COL8A1: variants seen among roughly 807,000 people sequenced by gnomAD.
COL8A1 encodes collagen type VIII alpha 1 chain.
COL8A1 carries 21 observed loss-of-function variants against 42.7 expected under a neutral mutation model. That is an observed-to-expected ratio of 0.49 (90% CI 0.35 to 0.71). The LOEUF (loss-of-function observed/expected upper bound fraction) is 0.71, where lower values mean the gene tolerates loss of function less well. Among genes scored for constraint, COL8A1 ranks in the 30% least tolerant of loss-of-function variants. COL8A1 has a pLI of 0.01. For synonymous variants in COL8A1, 367 were observed against 369.1 expected (o/e 0.99, Z 0.06); for missense variants, 788 against 962.4 (o/e 0.82, Z 2.40).
chr3:99,797,069 C>T lies in COL8A1; in HGVS notation c.*933C>T, dbSNP rs946398644. 1 of 152,114 alleles carries T rather than the reference C, an allele frequency of 6.6e-6. No individual in the cohort carries two copies. Among genetic ancestry groups the T allele is most frequent in the African/African-American group, 2.4e-5 (1 of 41,422 alleles). 9.4% of individuals were successfully genotyped at this position (152,114 alleles called of 1,614,324 possible). On this transcript the variant is annotated 3_prime_UTR_variant, in exon 4 of 4. Transcript: ENST00000652472. ...AAAAATTCTTCCTCTAATAACTTTC[C>T]AAATTTGTGGAATATTTATTTGTAA...
intron 1 of COL8A1, among the ~76,000 whole-genome samples, chr3:99,643,779 C>T (rs1937577492): frequency 6.6e-6 from 1 of 152,154 alleles, no homozygotes; most frequent in African/African-American, 2.4e-5. Flanking sequence ...GGCTTAAGAT[C>T]TAGTTCCAAT....
At chr3:99,741,732 G>A (rs1439631059) in intron 1 of COL8A1, among the ~76,000 whole-genome samples, 3 of 152,050 alleles carry the variant, frequency 2.0e-5, no homozygotes, top group Admixed American at 6.6e-5. Context: ...GAGACTCAGG[G>A]CTCCAAAAAA....
intron 1 of COL8A1, among the ~76,000 whole-genome samples, chr3:99,732,808 G>T (rs1263970134): frequency 6.6e-6 from 1 of 152,114 alleles, no homozygotes; most frequent in Non-Finnish European, 1.5e-5. Flanking sequence ...TCTAAGACAA[G>T]GCAAGTCCCT....
At chr3:99,677,696 T>C (rs749610791) in intron 1 of COL8A1, 3 of 152,222 alleles carry the variant, frequency 2.0e-5, no homozygotes, top group Non-Finnish European at 4.4e-5. Context: ...TGTGAATTTA[T>C]GATGAATTTG....
chr3:99,728,999 T>A (rs1196212999), intron 1 of COL8A1, among the ~76,000 whole-genome samples: 2 of 152,048 alleles, frequency 1.3e-5, no homozygotes, highest in Non-Finnish European at 2.9e-5. Flanking sequence ...TATGTTTTCC[T>A]GACTGAAGGT....
At chr3:99,659,145 C>T (rs1938121506) in intron 1 of COL8A1, among the ~76,000 whole-genome samples, 1 of 152,148 alleles carries the variant, frequency 6.6e-6, no homozygotes, top group Non-Finnish European at 1.5e-5. Context: ...CCTGTGAGCC[C>T]CCAGTTGCTT....
chr3:99,748,738 G>A (rs901011167), intron 2 of COL8A1, among the ~76,000 whole-genome samples: 2 of 152,134 alleles, frequency 1.3e-5, no homozygotes, highest in South Asian at 4.1e-4. Context: ...TAGAGGGCAA[G>A]GTAGATTAGC....
intron 1 of COL8A1, among the ~76,000 whole-genome samples, chr3:99,719,400 G>T (rs571702273): frequency 6.6e-6 from 1 of 152,030 alleles, no homozygotes; most frequent in Non-Finnish European, 1.5e-5. Context: ...GAATGAATAA[G>T]AAATTTCATT....
At chr3:99,756,423 T>A (rs548503115) in intron 2 of COL8A1, among the ~76,000 whole-genome samples, 1 of 152,268 alleles carries the variant, frequency 6.6e-6, no homozygotes, top group South Asian at 2.1e-4. Flanking sequence ...ATGTAATATT[T>A]CTAAGTGTTC....
chr3:99,758,216 C>A (rs1055450024), intron 2 of COL8A1, among the ~76,000 whole-genome samples: 1 of 152,114 alleles, frequency 6.6e-6, no homozygotes, highest in Non-Finnish European at 1.5e-5. Flanking sequence ...GATTCAAGAA[C>A]TTTTGGCAAA....
intron 2 of COL8A1, among the ~76,000 whole-genome samples, chr3:99,771,971 C>G (rs1406797321): frequency 4.6e-5 from 7 of 152,126 alleles, no homozygotes; most frequent in Admixed American, 4.6e-4. Context: ...CCAATGATAC[C>G]ATTGTCAGTC....
intron 2 of COL8A1, among the ~76,000 whole-genome samples, chr3:99,783,963 T>C (rs1044081247): frequency 3.3e-5 from 5 of 152,238 alleles, no homozygotes; most frequent in Non-Finnish European, 5.9e-5. Context: ...ACCTTGCCAG[T>C]GGCTTTGTGA....
In COL8A1 at chr3:99,665,370, T is replaced by C. The variant is rs551191577; in HGVS notation, c.-129+26706T>C. Among the ~76,000 whole-genome samples, 4 of 152,352 alleles carry C rather than the reference T, an allele frequency of 2.6e-5. No individual in the cohort carries two copies. In the South Asian group the frequency reaches 8.3e-4, roughly 32 times the overall value. On this transcript the variant is annotated intron_variant, in intron 1 of 3. Coordinates refer to ENST00000652472, the MANE Select transcript of COL8A1 (RefSeq NM_020351.4). ...CCCCATCTTTATGTCCTTTCTCAGA[T>C]AACATGGAGGAGAGGGAAAGTGTTA...
chr3:99,645,037 T>C (rs1350272998), intron 1 of COL8A1, among the ~76,000 whole-genome samples: 1 of 152,162 alleles, frequency 6.6e-6, no homozygotes, highest in African/African-American at 2.4e-5. Context: ...GGATTTCAAA[T>C]ATTAACAGCT....
At chr3:99,660,293 T>A (rs1019754444) in intron 1 of COL8A1, among the ~76,000 whole-genome samples, 40 of 151,960 alleles carry the variant, frequency 2.6e-4, no homozygotes, top group African/African-American at 8.2e-4. Flanking sequence ...GGGGAAAGCA[T>A]GCCTTTTTCT....
intron 2 of COL8A1, among the ~76,000 whole-genome samples, chr3:99,775,869 G>A (rs2107442726): frequency 6.6e-6 from 1 of 152,280 alleles, no homozygotes; most frequent in East Asian, 1.9e-4. Context: ...TGGCTTTTCT[G>A]CTGCAAGATA....
intron 2 of COL8A1, among the ~76,000 whole-genome samples, chr3:99,748,641 G>C (rs2107410582): frequency 6.6e-6 from 1 of 152,276 alleles, no homozygotes; most frequent in South Asian, 2.1e-4. Context: ...CCACTGTTCA[G>C]AGCCCACATA....
chr3:99,726,733 G>A (rs12489772), intron 1 of COL8A1, among the ~76,000 whole-genome samples: 31,763 of 150,208 alleles, frequency 0.21, 3,661 homozygotes, highest in African/African-American at 0.33. Context: ...GATATGCGGC[G>A]TTATTTCTGA....
chr3:99,790,652 C>G, intron 2 of COL8A1, 28 bp from the exon 3 acceptor site: 1 of 1,597,680 alleles, frequency 6.3e-7, no homozygotes, highest in East Asian at 2.2e-5. Context: ...AGAGTTTCAC[C>G]AAGTTGGTGC....
Sources: allele counts gnomAD v4.1 joint callset (sites outside exome capture counted in the v4.1 genomes callset), GRCh38; gene constraint gnomAD v4.1.1; transcripts MANE v1.5; gene names NCBI Gene and HGNC (gene_info 2026-07-23, HGNC 2026-07-21).